The following HDAC9 variants were observed in gnomAD, a reference collection of about 807,000 sequenced individuals.
The protein encoded by HDAC9 is histone deacetylase 9, also known as MEF-2 interacting transcription repressor (MITR) protein.
In HDAC9, 41 loss-of-function variants were observed where a neutral mutation model predicts 139.4. That is an observed-to-expected ratio of 0.29 (90% confidence interval 0.23 to 0.38). The LOEUF (loss-of-function observed/expected upper bound fraction) is 0.38, where lower values mean the gene tolerates loss of function less well. Ranked by LOEUF, HDAC9 falls within the 10% of genes least tolerant of loss-of-function variation. The pLI, the probability that HDAC9 is intolerant of heterozygous loss-of-function variation, is 1.00. For missense variants in HDAC9, 1,147 were observed against 1,297.0 expected (o/e 0.88, Z 1.78); for synonymous variants, 517 against 476.2 (o/e 1.09, Z -1.12).
rs142687621 is a variant in HDAC9, at chr7:18,858,210, T to C, written c.2685-16268T>C. 1.6e-3 allele frequency among the ~76,000 whole-genome samples: 237 copies of C among 152,154 alleles called. 1 individual carries two copies. The East Asian group carries it at 0.026, about 17-fold the overall frequency. Reference sequence around the variant, plus strand: ...CCACATGGTTGCATATTTGGAAAAATGGATAATCAATGTATTACTCAATTC... The same window carrying C: ...CCACATGGTTGCATATTTGGAAAAACGGATAATCAATGTATTACTCAATTC... On this transcript the variant is annotated intron_variant, in intron 21 of 25. Transcript: ENST00000686413.
chr7:18,303,536 C>G (rs908297543), intron 1 of HDAC9, among the ~76,000 whole-genome samples: 5 of 151,996 alleles, frequency 3.3e-5, no homozygotes, highest in Admixed American at 1.3e-4. Flanking sequence ...CTTGAACCAC[C>G]GCGCCCGGCC....
intron 16 of HDAC9, among the ~76,000 whole-genome samples, chr7:18,773,077 G>T (rs942983598): frequency 3.6e-4 from 55 of 152,096 alleles, no homozygotes; most frequent in African/African-American, 1.3e-3. Flanking sequence ...CAGGAAAGAA[G>T]AAAATGAGAG....
intron 13 of HDAC9, among the ~76,000 whole-genome samples, chr7:18,733,120 T>C (rs1446128428): frequency 6.9e-6 from 1 of 145,942 alleles, no homozygotes; most frequent in South Asian, 2.1e-4. Context: ...TATATGTGTA[T>C]ACATGTATAT....
At chr7:18,131,419 C>G (rs1784995881) in intron 1 of HDAC9, among the ~76,000 whole-genome samples, 1 of 152,176 alleles carries the variant, frequency 6.6e-6, no homozygotes, top group South Asian at 2.1e-4. Flanking sequence ...TTTAGTAGCA[C>G]TAATCAGAAT....
intron 6 of HDAC9, among the ~76,000 whole-genome samples, chr7:18,614,879 G>T (rs1192031229): frequency 1.3e-5 from 2 of 152,154 alleles, no homozygotes; most frequent in Non-Finnish European, 2.9e-5. Context: ...AGCCAAGTTA[G>T]TATTATGGAG....
chr7:18,376,929 A>G (rs1211937020), intron 1 of HDAC9, among the ~76,000 whole-genome samples: 1 of 152,130 alleles, frequency 6.6e-6, no homozygotes, highest in Non-Finnish European at 1.5e-5. Context: ...TTATTTTATT[A>G]TGGCAACCTA....
intron 1 of HDAC9, among the ~76,000 whole-genome samples, chr7:18,106,967 T>C (rs1783256753): frequency 6.6e-6 from 1 of 152,232 alleles, no homozygotes; most frequent in African/African-American, 2.4e-5. Context: ...TTGATGAGCT[T>C]ATACCACCTT....
rs987576696 is a variant in HDAC9, at chr7:18,435,876, A to AAT, written c.-41-60377_-41-60376dup. ...GCTAAGTGAAAAGAGAGTGATATGC[A>AAT]ATATATATATGTGTATATATATAAT... On this transcript the variant is annotated intron_variant, in intron 1 of 3. Coordinates refer to the HDAC9 transcript ENST00000413509. Among the ~76,000 whole-genome samples the AAT allele has an allele frequency of 4.0e-5, 6 of 149,304 alleles. 1 individual carries two copies. Among genetic ancestry groups the AAT allele is most frequent in the East Asian group, 1.9e-4 (1 of 5,152 alleles).
chr7:18,400,413 G>A (rs985053257), intron 1 of HDAC9, among the ~76,000 whole-genome samples: 3 of 152,146 alleles, frequency 2.0e-5, no homozygotes, highest in African/African-American at 7.2e-5. Context: ...TGAAGTGGAA[G>A]ACAGAGATCA....
chr7:18,584,217 T>G (rs949073717), intron 2 of HDAC9, among the ~76,000 whole-genome samples: 2 of 143,442 alleles, frequency 1.4e-5, no homozygotes, highest in Non-Finnish European at 3.0e-5. Context: ...CTCGGCTCAC[T>G]GCAAGCTCCG....
At chr7:18,930,174 C>T (rs1804609917) in intron 22 of HDAC9, among the ~76,000 whole-genome samples, 1 of 152,052 alleles carries the variant, frequency 6.6e-6, no homozygotes, top group Non-Finnish European at 1.5e-5. Flanking sequence ...GAACCCCGTT[C>T]CATCTCTATG....
At chr7:18,890,924 C>T (rs1393172809) in intron 22 of HDAC9, among the ~76,000 whole-genome samples, 2 of 152,134 alleles carry the variant, frequency 1.3e-5, no homozygotes, top group Non-Finnish European at 2.9e-5. Flanking sequence ...AGGTAGTGTA[C>T]TCAGGATTTA....
intron 7 of HDAC9, 54 bp downstream of exon 7, chr7:18,629,535 A>G (rs540519852): frequency 4.0e-6 from 6 of 1,505,864 alleles, no homozygotes; most frequent in African/African-American, 2.8e-5. Context: ...TGAAAAAAAA[A>G]TAGTTTAGAA....
rs116224823 is a variant in HDAC9 at position 18,421,838 on chromosome 7, C to G, written c.-41-74424C>G. On this transcript the variant is annotated intron_variant, in intron 1 of 3. Transcript: ENST00000413509. ...TGAAAACAGTCTCTTGTAAGGACAG[C>G]ACTAAATCTTGAAAGGCTGGTGGTT... Among the ~76,000 whole-genome samples, 1,081 of 152,250 alleles carry G rather than the reference C, an allele frequency of 7.1e-3. 18 individuals carry two copies. The highest frequency in any genetic ancestry group is 0.025 in the African/African-American group (1,039 of 41,544).
chr7:18,978,018 A>T (rs925527980), intron 25 of HDAC9, among the ~76,000 whole-genome samples: 4 of 151,980 alleles, frequency 2.6e-5, no homozygotes, highest in African/African-American at 7.2e-5. Flanking sequence ...TTTCAGGGGA[A>T]TACTATCAGT....
At chr7:18,825,335 A>C (rs1795338267) in intron 17 of HDAC9, among the ~76,000 whole-genome samples, 1 of 152,214 alleles carries the variant, frequency 6.6e-6, no homozygotes, top group East Asian at 1.9e-4. Context: ...ATGAGCCTCC[A>C]AGGGAGATTG....
At chr7:18,650,848 G>A (rs1219498475) in intron 11 of HDAC9, among the ~76,000 whole-genome samples, 2 of 152,246 alleles carry the variant, frequency 1.3e-5, no homozygotes, top group South Asian at 4.1e-4. Flanking sequence ...ACCTCTCTCA[G>A]CTTGGGTGTT....
In HDAC9 at chr7:18,935,856, G is replaced by A; in HGVS notation, c.2851G>A (p.Val951Met). ...KQLMTLADGR[V>M]VLALEGGHDL... is the part of the protein sequence containing the mutation. Reference sequence around the variant, plus strand: ...ATTGATGACATTGGCTGATGGACGTGTGGTGTTGGCTCTAGAAGGAGGACA... The same window carrying A: ...ATTGATGACATTGGCTGATGGACGTATGGTGTTGGCTCTAGAAGGAGGACA... The change falls in exon 23 of 26, where the codon GTG becomes ATG. Residue 951 changes from valine to methionine, a missense_variant. Val to Met is a conservative substitution (Grantham distance 21). This residue lies in a region of HDAC9 where 407 missense variants were observed against 521.5 expected (regional missense o/e 0.78). Transcript: ENST00000686413. 1 of 1,613,804 alleles carries A rather than the reference G, an allele frequency of 6.2e-7. No individual in the cohort carries two copies. Among genetic ancestry groups the A allele is most frequent in the Non-Finnish European group, 8.5e-7 (1 of 1,179,742 alleles).
chr7:18,217,860 G>A (rs1792425086), intron 2 of HDAC9, among the ~76,000 whole-genome samples: 1 of 152,066 alleles, frequency 6.6e-6, no homozygotes, highest in South Asian at 2.1e-4. Context: ...AGTTTCTGAG[G>A]GTCAGAAATC....
Sources: gnomAD v4.1 joint callset for allele counts (sites outside exome capture counted in the v4.1 genomes callset) on GRCh38, gnomAD v4.1.1 for gene constraint, gnomAD v4.1.1 regional missense constraint, MANE v1.5 for transcripts, NCBI Gene and HGNC (gene_info 2026-07-23, HGNC 2026-07-21) for gene names.